Variants in VPS53 observed in about 807,000 individuals in gnomAD.
VPS53 encodes the protein VPS53 subunit of GARP complex, also known as vacuolar protein sorting-associated protein 53 homolog.
VPS53 carries 70 observed loss-of-function variants against 107.0 expected under a neutral mutation model. That is an observed-to-expected ratio of 0.65 (90% confidence interval 0.54 to 0.80). The LOEUF (loss-of-function observed/expected upper bound fraction) is 0.80, where lower values mean the gene tolerates loss of function less well. Among genes scored for constraint, VPS53 ranks in the 30% least tolerant of loss-of-function variants. The pLI, the probability that VPS53 is intolerant of heterozygous loss-of-function variation, is 0.00. For missense variants in VPS53, 917 were observed against 1,049.4 expected, an observed-to-expected ratio of 0.87 and a Z score of 1.74; for synonymous variants, 409 against 393.3, an observed-to-expected ratio of 1.04 and a Z score of -0.47.
At chr17:656,161 T>A (rs546146792) in intron 5 of VPS53, among the ~76,000 whole-genome samples, 13 of 152,332 alleles carry the variant, frequency 8.5e-5, no homozygotes, top group Non-Finnish European at 5.9e-5. Flanking sequence ...CTCAGGGTTA[T>A]AAAACCTTCA....
At chr17:583,044 C>T (rs1309649095) in intron 13 of VPS53, among the ~76,000 whole-genome samples, 1 of 151,884 alleles carries the variant, frequency 6.6e-6, no homozygotes, top group Non-Finnish European at 1.5e-5. Flanking sequence ...TAGCAGAGAA[C>T]CTCCCTCAGA....
rs1597372592 is a variant in VPS53, at chr17:605,742, G to C, written c.1117-3846C>G. On this transcript the variant is annotated intron_variant, in intron 11 of 21. Coordinates refer to ENST00000437048, the MANE Select transcript of VPS53 (RefSeq NM_001128159.3). ...GTCAGGGACGGAAACGAAGATGGGG[G>C]CCTGGGGTAAGAGGGGTGGCAAGAG... Among the ~76,000 whole-genome samples the C allele has an allele frequency of 2.0e-5, 3 of 146,382 alleles. No homozygotes were observed. In the South Asian group the frequency reaches 6.6e-4, roughly 32 times the overall value.
intron 4 of VPS53, among the ~76,000 whole-genome samples, chr17:670,842 C>T (rs948529659): frequency 6.6e-6 from 1 of 152,188 alleles, no homozygotes; most frequent in African/African-American, 2.4e-5. Flanking sequence ...TTCACGGTTA[C>T]TGGGGAGAAA....
chr17:509,812 A>G lies in VPS53; in HGVS notation c.*9316T>C, dbSNP rs1024476493. 5.7e-6 allele frequency: 1 copy of G among 174,110 alleles called. No individual in the cohort carries two copies. The highest frequency in any genetic ancestry group is 1.2e-5 in the Non-Finnish European group (1 of 81,318). 10.8% of individuals were successfully genotyped at this position (174,110 alleles called of 1,614,324 possible). On this transcript the variant is annotated 3_prime_UTR_variant, in exon 22 of 22. Coordinates refer to ENST00000437048, the MANE Select transcript of VPS53 (RefSeq NM_001128159.3). ...AATCCTGGCTCGCCCCTCACTAGCC[A>G]CATATCAAATCCTGACTGGCTAACC...
chr17:601,350 C>T (rs1343778516), intron 12 of VPS53, among the ~76,000 whole-genome samples: 3 of 152,216 alleles, frequency 2.0e-5, no homozygotes, highest in Non-Finnish European at 4.4e-5. Context: ...TTCCAGGCCT[C>T]CCCAATGGCT....
intron 7 of VPS53, among the ~76,000 whole-genome samples, chr17:635,002 A>G (rs1970132043): frequency 6.6e-6 from 1 of 152,188 alleles, no homozygotes; most frequent in Non-Finnish European, 1.5e-5. Context: ...ACTAGTTTAC[A>G]TTACCACCAA....
intron 4 of VPS53, among the ~76,000 whole-genome samples, chr17:684,380 A>C (rs1307769503): frequency 1.3e-5 from 2 of 152,258 alleles, no homozygotes; most frequent in African/African-American, 4.8e-5. Context: ...AGGTCAATAA[A>C]TAAAAATCAA....
chr17:644,218 T>C (rs991503903), intron 7 of VPS53, among the ~76,000 whole-genome samples: 1 of 152,252 alleles, frequency 6.6e-6, no homozygotes, highest in African/African-American at 2.4e-5. Context: ...AAGAATTAGC[T>C]ATGCTCAAAT....
chr17:535,881 T>C (rs2151812538), intron 18 of VPS53, among the ~76,000 whole-genome samples: 2 of 152,218 alleles, frequency 1.3e-5, no homozygotes, highest in African/African-American at 4.8e-5. Context: ...ATTTGTGAGG[T>C]ACAGGGAAAC....
Position 612,111 on chromosome 17 carries a change from G to A in VPS53, c.1117-10215C>T, listed in dbSNP as rs1426165316. 6.0e-5 allele frequency among the ~76,000 whole-genome samples: 9 copies of A among 151,110 alleles called. No homozygotes were observed. The East Asian group carries it at 1.8e-3, about 30-fold the overall frequency. On this transcript the variant is annotated intron_variant, in intron 11 of 21. Transcript: ENST00000437048. ...AGTTCACACAGTGAAAACCTGTACAGATACTCACAGCAGTATTCAAATAGT... is the reference window on the plus strand; with the variant it reads ...AGTTCACACAGTGAAAACCTGTACAAATACTCACAGCAGTATTCAAATAGT...
At chr17:549,923 C>A (rs1042492818) in intron 17 of VPS53, among the ~76,000 whole-genome samples, 4 of 152,208 alleles carry the variant, frequency 2.6e-5, no homozygotes, top group African/African-American at 7.2e-5. Context: ...TCATAAAACC[C>A]TAAAGCCTAC....
chr17:649,555 T>G (rs1293498973), intron 7 of VPS53, among the ~76,000 whole-genome samples: 1 of 139,244 alleles, frequency 7.2e-6, no homozygotes, highest in African/African-American at 2.6e-5. Context: ...ACTGAAGATC[T>G]TACACTGGAG....
At chr17:531,515 T>G (rs1021701085) in intron 19 of VPS53, among the ~76,000 whole-genome samples, 9 of 152,128 alleles carry the variant, frequency 5.9e-5, no homozygotes, top group Non-Finnish European at 7.4e-5. Flanking sequence ...CTTTTTTTTT[T>G]TGTGGGGCAG....
At chr17:640,081 G>A (rs1567698674) in intron 7 of VPS53, among the ~76,000 whole-genome samples, 1 of 152,322 alleles carries the variant, frequency 6.6e-6, no homozygotes, top group East Asian at 1.9e-4. Flanking sequence ...TTGTTTACCT[G>A]CTCAAGCCTC....
At chr17:708,184 GCA>G (rs1302015290) in intron 2 of VPS53, among the ~76,000 whole-genome samples, 1 of 152,166 alleles carries the variant, frequency 6.6e-6, no homozygotes, top group African/African-American at 2.4e-5. Context: ...TACCACCAAT[GCA>G]CAGAGTCCAA....
intron 4 of VPS53, among the ~76,000 whole-genome samples, chr17:669,060 A>C (rs1441344821): frequency 6.6e-6 from 1 of 151,890 alleles, no homozygotes; most frequent in African/African-American, 2.4e-5. Flanking sequence ...GAGTTTAAAA[A>C]CTCCTCTGAA....
At chr17:546,077 G>A (rs1407042182) in intron 17 of VPS53, among the ~76,000 whole-genome samples, 4 of 152,136 alleles carry the variant, frequency 2.6e-5, no homozygotes, top group Non-Finnish European at 4.4e-5. Context: ...GATTTTTTAC[G>A]AGGGTATCAA....
At chr17:690,826 G>A (rs1042161473) in intron 4 of VPS53, among the ~76,000 whole-genome samples, 6 of 152,116 alleles carry the variant, frequency 3.9e-5, no homozygotes, top group Admixed American at 3.3e-4. Flanking sequence ...GTCTAAAATC[G>A]GTGGCCCTTA....
At position 516,227 on chromosome 17, in the gene VPS53, G is replaced by A. The variant is rs929053818; in HGVS notation, c.*2901C>T. 2.0e-5 allele frequency: 3 copies of A among 152,106 alleles called. No homozygotes were observed. The highest frequency in any genetic ancestry group is 6.5e-5 in the Admixed American group (1 of 15,268). 9.4% of individuals were successfully genotyped at this position (152,106 alleles called of 1,614,324 possible). Reference sequence around the variant, plus strand: ...GAAAAATAGACATGTATGAAAATGCGTGGCAGGAGCCCTTCCATAAAGCAA... The same window carrying A: ...GAAAAATAGACATGTATGAAAATGCATGGCAGGAGCCCTTCCATAAAGCAA... On this transcript the variant is annotated 3_prime_UTR_variant, in exon 22 of 22. Coordinates refer to ENST00000437048, the MANE Select transcript of VPS53 (RefSeq NM_001128159.3).
Sources: gnomAD v4.1 joint callset for allele counts (sites outside exome capture counted in the v4.1 genomes callset) on GRCh38, gnomAD v4.1.1 for gene constraint, MANE v1.5 for transcripts, NCBI Gene and HGNC (gene_info 2026-07-23, HGNC 2026-07-21) for gene names.